Variants in KCNN2 observed in about 807,000 individuals in gnomAD.
KCNN2 encodes potassium calcium-activated channel subfamily N member 2.
In KCNN2, 24 loss-of-function variants were observed where a neutral mutation model predicts 55.5. That is an observed-to-expected ratio of 0.43 (90% CI 0.31 to 0.61). The LOEUF (loss-of-function observed/expected upper bound fraction) is 0.61. Among genes scored for constraint, KCNN2 ranks in the 20% least tolerant of loss-of-function variants. KCNN2 has a pLI of 0.08. For missense variants in KCNN2, 754 were observed against 853.6 expected, an observed-to-expected ratio of 0.88 and a Z score of 1.45; for synonymous variants, 431 against 336.1, an observed-to-expected ratio of 1.28 and a Z score of -3.09.
chr5:114,168,452 T>C (rs1233148395), intron 1 of KCNN2, among the ~76,000 whole-genome samples: 1 of 152,146 alleles, frequency 6.6e-6, no homozygotes, highest in Non-Finnish European at 1.5e-5. Flanking sequence ...AACTTTGTCC[T>C]TGACAAATCA....
At chr5:114,079,823 A>ATGTGTG (rs144581575) in intron 1 of KCNN2, among the ~76,000 whole-genome samples, 2,532 of 147,406 alleles carry the variant, frequency 0.017, 48 homozygotes, top group African/African-American at 0.048. Flanking sequence ...GATACTTAAT[A>ATGTGTG]TGTGTGTGTG....
intron 2 of KCNN2, among the ~76,000 whole-genome samples, chr5:114,225,441 A>C (rs575707728): frequency 4.8e-4 from 73 of 152,330 alleles, no homozygotes; most frequent in Admixed American, 7.8e-4. Context: ...AGAAATAATC[A>C]CAGCAATTAT....
chr5:114,098,780 G>T (rs752416235), intron 1 of KCNN2, among the ~76,000 whole-genome samples: 1 of 152,100 alleles, frequency 6.6e-6, no homozygotes, highest in African/African-American at 2.4e-5. Flanking sequence ...CAGAGATTTG[G>T]CTCCAATCTT....
At chr5:114,459,242 T>G (rs1294382071) in intron 3 of KCNN2, among the ~76,000 whole-genome samples, 1 of 152,216 alleles carries the variant, frequency 6.6e-6, no homozygotes, top group African/African-American at 2.4e-5. Context: ...TTTAAAAGCT[T>G]GAGATTATTG....
At chr5:114,163,147 C>T (rs767920408) in intron 1 of KCNN2, among the ~76,000 whole-genome samples, 3 of 152,150 alleles carry the variant, frequency 2.0e-5, no homozygotes, top group African/African-American at 7.2e-5. Flanking sequence ...TTGGCTCCAC[C>T]CCTGAAGTTG....
intron 1 of KCNN2, among the ~76,000 whole-genome samples, chr5:114,195,554 T>C (rs949155734): frequency 6.6e-6 from 1 of 152,052 alleles, no homozygotes; most frequent in Non-Finnish European, 1.5e-5. Context: ...TGCTGAACTT[T>C]TTAATTCATT....
chr5:114,196,616 C>T (rs1164241617), intron 1 of KCNN2, among the ~76,000 whole-genome samples: 1 of 151,892 alleles, frequency 6.6e-6, no homozygotes. Context: ...TTCATTTCAT[C>T]TAAGTTATCT....
chr5:114,057,428 G>T (rs904736677), intron 1 of KCNN2, among the ~76,000 whole-genome samples: 1 of 152,068 alleles, frequency 6.6e-6, no homozygotes, highest in African/African-American at 2.4e-5. Context: ...AGTAAGTGGG[G>T]GAACCGAGAT....
chr5:114,439,432 C>T (rs1760129635), intron 3 of KCNN2, among the ~76,000 whole-genome samples: 1 of 152,146 alleles, frequency 6.6e-6, no homozygotes, highest in Admixed American at 6.6e-5. Flanking sequence ...GTGTTAACTA[C>T]TCTTTTTTAC....
At chr5:114,487,798 C>T (rs1358927428) in intron 6 of KCNN2, among the ~76,000 whole-genome samples, 1 of 152,162 alleles carries the variant, frequency 6.6e-6, no homozygotes, top group Non-Finnish European at 1.5e-5. Flanking sequence ...CTCCTCCGGG[C>T]TGGCATAATC....
At chr5:114,451,780 T>C (rs748997730) in intron 3 of KCNN2, among the ~76,000 whole-genome samples, 7 of 151,708 alleles carry the variant, frequency 4.6e-5, no homozygotes, top group Non-Finnish European at 5.9e-5. Context: ...GCCTGTAGTC[T>C]CAGCTACTTG....
At chr5:114,373,662 T>TATATATATATATATATATA (rs1757842046) in intron 2 of KCNN2, among the ~76,000 whole-genome samples, 1 of 50,990 alleles carries the variant, frequency 2.0e-5, no homozygotes, top group Non-Finnish European at 4.3e-5. Flanking sequence ...ATATATAAAA[T>TATATATATATATATATATA]TACTTGGAAC....
intron 2 of KCNN2, among the ~76,000 whole-genome samples, chr5:114,394,555 G>A (rs1758561232): frequency 6.6e-6 from 1 of 152,166 alleles, no homozygotes. Context: ...TGGAGTTTGT[G>A]TCAAAAAGGC....
At chr5:114,056,613 C>G (rs1750214812) in intron 1 of KCNN2, 7 of 392,914 alleles carry the variant, frequency 1.8e-5, no homozygotes. Context: ...CCTCCCCTCC[C>G]TCTTGCTTAC....
intron 1 of KCNN2, among the ~76,000 whole-genome samples, chr5:114,101,597 C>A (rs1051685471): frequency 6.6e-6 from 1 of 151,910 alleles, no homozygotes; most frequent in Non-Finnish European, 1.5e-5. Context: ...CCCCCACCCC[C>A]TAACAGGTCC....
intron 3 of KCNN2, among the ~76,000 whole-genome samples, chr5:114,426,462 T>C (rs1443119872): frequency 6.6e-6 from 1 of 152,216 alleles, no homozygotes. Context: ...AGTTTTTTTC[T>C]GATGATGTCT....
chr5:114,072,382 C>G (rs972799504), intron 1 of KCNN2, among the ~76,000 whole-genome samples: 1 of 152,056 alleles, frequency 6.6e-6, no homozygotes, highest in African/African-American at 2.4e-5. Context: ...TGCAAAGACC[C>G]CTGCCAGACC....
At chr5:114,382,866 G>T (rs1758168233) in intron 2 of KCNN2, among the ~76,000 whole-genome samples, 1 of 152,192 alleles carries the variant, frequency 6.6e-6, no homozygotes, top group South Asian at 2.1e-4. Flanking sequence ...GTCTGCTCAT[G>T]TTCAGAATTT....
At chr5:114,312,422 CACACACACACACATAT>C (rs1355363806) in intron 2 of KCNN2, among the ~76,000 whole-genome samples, 51 of 49,932 alleles carry the variant, frequency 1.0e-3, no homozygotes, top group Non-Finnish European at 1.5e-3. Flanking sequence ...CACACACACA[CACACACACACACATAT>C]ATATATATAT....
Sources: allele counts gnomAD v4.1 joint callset (sites outside exome capture counted in the v4.1 genomes callset), GRCh38; gene constraint gnomAD v4.1.1; transcripts MANE v1.5; gene names NCBI Gene and HGNC (gene_info 2026-07-23, HGNC 2026-07-21).